Variants in RFX4 observed in about 807,000 individuals in gnomAD.
RFX4 encodes the protein transcription factor RFX4.
RFX4 carries 10 observed loss-of-function variants against 95.0 expected under a neutral mutation model. The ratio of observed to expected loss-of-function variants is 0.11; its 90% CI spans 0.06 to 0.18. The LOEUF (loss-of-function observed/expected upper bound fraction) is 0.18. Among genes scored for constraint, RFX4 ranks in the 10% least tolerant of loss-of-function variants. The probability of loss-of-function intolerance (pLI) is 1.00; values close to 1 mark genes in which losing one functional copy is unlikely to be tolerated. For synonymous variants in RFX4, 321 were observed against 340.7 expected (o/e 0.94, Z 0.64); for missense variants, 640 against 922.0 (o/e 0.69, Z 3.96).
intron 4 of RFX4, among the ~76,000 whole-genome samples, chr12:106,655,235 G>T (rs576608947): frequency 1.3e-5 from 2 of 152,294 alleles, no homozygotes; most frequent in African/African-American, 4.8e-5. Flanking sequence ...GCCCAAAAAT[G>T]GAGTGGCTGA....
intron 1 of RFX4, among the ~76,000 whole-genome samples, chr12:106,596,521 A>G (rs2039622524): frequency 6.6e-6 from 1 of 152,234 alleles, no homozygotes; most frequent in South Asian, 2.1e-4. Flanking sequence ...CACTGTGTTC[A>G]GTCTTTTGAG....
chr12:106,615,292 T>C (rs1364945415), intron 2 of RFX4, among the ~76,000 whole-genome samples: 2 of 152,186 alleles, frequency 1.3e-5, no homozygotes, highest in African/African-American at 2.4e-5. Context: ...AGATTATATA[T>C]ATTTGGATCT....
intron 4 of RFX4, among the ~76,000 whole-genome samples, chr12:106,681,670 G>T (rs2041517402): frequency 6.6e-6 from 1 of 152,188 alleles, no homozygotes; most frequent in Admixed American, 6.5e-5. Flanking sequence ...TTAGTTCCAG[G>T]TGCTGTGGAA....
Position 106,583,175 on chromosome 12 carries a change from C to T in RFX4, c.-146C>T. 1.5e-6 allele frequency: 1 copy of T among 654,962 alleles called. No individual in the cohort carries two copies. Among genetic ancestry groups the T allele is most frequent in the Non-Finnish European group, 2.5e-6 (1 of 404,900 alleles). 40.6% of individuals were successfully genotyped at this position (654,962 alleles called of 1,614,324 possible). A position where few individuals can be genotyped will look rare whatever the true frequency, so the allele number is the denominator to read the frequency against. On this transcript the variant is annotated 5_prime_UTR_variant, in exon 1 of 18. Transcript: ENST00000392842. Reference sequence around the variant, plus strand: ...CTTTTTCTTTTCTTTTCCTTTCCTCCTTTATCCTTGTGCCCCCTCACTTTC... The same window carrying T: ...CTTTTTCTTTTCTTTTCCTTTCCTCTTTTATCCTTGTGCCCCCTCACTTTC...
chr12:106,700,532 G>A (rs1044875084), intron 8 of RFX4, among the ~76,000 whole-genome samples: 14 of 146,864 alleles, frequency 9.5e-5, no homozygotes, highest in Non-Finnish European at 1.8e-4. Context: ...TCAGCCTCCC[G>A]AGTAGCTGGG....
At chr12:106,677,172 T>G (rs749799108) in intron 4 of RFX4, among the ~76,000 whole-genome samples, 3 of 152,172 alleles carry the variant, frequency 2.0e-5, no homozygotes, top group Non-Finnish European at 4.4e-5. Context: ...CTCCAAAGCC[T>G]GTGTGCCTAA....
Position 106,586,716 on chromosome 12 carries a change from C to T in RFX4, c.43+3353C>T, listed in dbSNP as rs2039463191. Reference sequence around the variant, plus strand: ...TAGTTTACAGGCCCCCAGCTCAGCACAAATTCTTTCTAAAATTCTACCACC... The same window carrying T: ...TAGTTTACAGGCCCCCAGCTCAGCATAAATTCTTTCTAAAATTCTACCACC... On this transcript the variant is annotated intron_variant, in intron 1 of 17. Coordinates refer to ENST00000392842, the MANE Select transcript of RFX4 (RefSeq NM_213594.3). This position sits in a 1 kb window ranked among gnomAD's most constrained non-coding sequence, Gnocchi z 5.6. 6.6e-6 allele frequency among the ~76,000 whole-genome samples: 1 copy of T among 152,194 alleles called. No individual in the cohort carries two copies. Among genetic ancestry groups the T allele is most frequent in the Non-Finnish European group, 1.5e-5 (1 of 68,030 alleles).
chr12:106,750,497 T>C (rs1478984385), intron 16 of RFX4, among the ~76,000 whole-genome samples, 158 bp from the exon 17 acceptor site: 1 of 71,798 alleles, frequency 1.4e-5, no homozygotes, highest in Non-Finnish European at 2.8e-5. Context: ...AAAAAACAGA[T>C]GAAAGAAAGA....
intron 2 of RFX4, among the ~76,000 whole-genome samples, chr12:106,611,195 C>A (rs1201461846): frequency 2.6e-5 from 4 of 152,164 alleles, no homozygotes; most frequent in Admixed American, 2.0e-4. Flanking sequence ...GAGTTCTTCA[C>A]ATATTCTGGA....
intron 2 of RFX4, among the ~76,000 whole-genome samples, chr12:106,624,582 C>T (rs1402686326): frequency 6.6e-6 from 1 of 152,152 alleles, no homozygotes; most frequent in East Asian, 1.9e-4. Flanking sequence ...CTGCCTCAGC[C>T]TCCCAAAGTG....
intron 8 of RFX4, among the ~76,000 whole-genome samples, chr12:106,705,495 C>T (rs1045191335): frequency 6.6e-6 from 1 of 152,012 alleles, no homozygotes; most frequent in African/African-American, 2.4e-5. Context: ...CCACAGAGGA[C>T]AGTATGTCAA....
intron 13 of RFX4, among the ~76,000 whole-genome samples, chr12:106,723,646 G>A (rs2042436580): frequency 6.6e-6 from 1 of 152,172 alleles, no homozygotes; most frequent in Admixed American, 6.5e-5. Flanking sequence ...GACCATGTGG[G>A]CATGTGTCAG....
intron 15 of RFX4, among the ~76,000 whole-genome samples, chr12:106,735,601 A>G (rs1403663788): frequency 6.6e-6 from 1 of 152,210 alleles, no homozygotes; most frequent in Admixed American, 6.5e-5. Flanking sequence ...AATACCTGAA[A>G]CCATACTTTT....
intron 13 of RFX4, 150 bp downstream of exon 13, chr12:106,721,026 T>C (rs1389144963): frequency 8.7e-6 from 6 of 690,422 alleles, no homozygotes; most frequent in Non-Finnish European, 1.3e-5. Flanking sequence ...TGTTAGGACT[T>C]TCAGGGAGAG....
chr12:106,628,689 G>A (rs1302570984), intron 2 of RFX4, among the ~76,000 whole-genome samples: 1 of 151,490 alleles, frequency 6.6e-6, no homozygotes, highest in African/African-American at 2.4e-5. Context: ...CAGCTTCCTA[G>A]TATTAACACT....
chr12:106,603,354 A>T (rs756534432), intron 1 of RFX4, among the ~76,000 whole-genome samples: 1 of 152,250 alleles, frequency 6.6e-6, no homozygotes, highest in Non-Finnish European at 1.5e-5. Context: ...GGCTCTGCTC[A>T]ACCTCATTAT....
At chr12:106,664,003 G>A (rs2041126412) in intron 4 of RFX4, among the ~76,000 whole-genome samples, 1 of 151,540 alleles carries the variant, frequency 6.6e-6, no homozygotes, top group African/African-American at 2.4e-5. Context: ...TATGTTTATG[G>A]GAAATTGGTG....
chr12:106,609,854 T>G (rs1316107227), intron 2 of RFX4, among the ~76,000 whole-genome samples: 1 of 152,176 alleles, frequency 6.6e-6, no homozygotes, highest in South Asian at 2.1e-4. Context: ...TGTCAATCAC[T>G]ACTGTCCTGA....
intron 17 of RFX4, among the ~76,000 whole-genome samples, chr12:106,753,636 A>T (rs1349628978): frequency 6.6e-6 from 1 of 152,188 alleles, no homozygotes. Flanking sequence ...TCCCTTAGAT[A>T]ACCCCTGCAG....
Sources: allele counts gnomAD v4.1 joint callset (sites outside exome capture counted in the v4.1 genomes callset), GRCh38; gene constraint gnomAD v4.1.1; non-coding constraint Gnocchi (gnomAD v3.1); transcripts MANE v1.5; gene names NCBI Gene and HGNC (gene_info 2026-07-23, HGNC 2026-07-21).